The following CRX variants were observed in gnomAD, a reference collection of about 807,000 sequenced individuals.
The protein encoded by CRX is cone-rod homeobox.
In CRX, 5 loss-of-function variants were observed where a neutral mutation model predicts 13.1. That is an observed-to-expected ratio of 0.38 (90% CI 0.20 to 0.80). The LOEUF (loss-of-function observed/expected upper bound fraction) is 0.80. CRX is among the 30% of genes least tolerant of loss of function. The probability of loss-of-function intolerance (pLI) is 0.43; values close to 1 mark genes in which losing one functional copy is unlikely to be tolerated. For missense variants in CRX, 351 were observed against 391.8 expected (o/e 0.90, Z 0.88); for synonymous variants, 179 against 171.1 (o/e 1.05, Z -0.36).
intron 1 of CRX, among the ~76,000 whole-genome samples, chr19:47,827,996 A>G (rs533527902): frequency 1.9e-4 from 28 of 150,878 alleles, no homozygotes; most frequent in Non-Finnish European, 3.5e-4. Context: ...TCTACTAAAA[A>G]TACAAAAATT....
intron 1 of CRX, among the ~76,000 whole-genome samples, chr19:47,831,074 C>T (rs971410064): frequency 4.0e-5 from 6 of 151,688 alleles, no homozygotes; most frequent in Non-Finnish European, 7.4e-5. Context: ...TTTGGGAAGC[C>T]GAGGCAGGCG....
chr19:47,827,644 T>C (rs985326733), intron 1 of CRX, among the ~76,000 whole-genome samples: 4 of 144,422 alleles, frequency 2.8e-5, no homozygotes, highest in African/African-American at 1.0e-4. Context: ...GTTCAAGCGA[T>C]TCTCAAGTAG....
Position 47,824,231 on chromosome 19 carries a change from C to T in CRX, c.-36+2221C>T, listed in dbSNP as rs552528992. Among the ~76,000 whole-genome samples, 34 of 152,328 alleles carry T rather than the reference C, an allele frequency of 2.2e-4. No individual in the cohort carries two copies. In the East Asian group the frequency reaches 6.6e-3, roughly 29 times the overall value. ...TACCCCTGGTTCTTCCACTCATCACCTGTGTGACCTCGGGAATTGACGAAA... is the reference window on the plus strand; with the variant it reads ...TACCCCTGGTTCTTCCACTCATCACTTGTGTGACCTCGGGAATTGACGAAA... On this transcript the variant is annotated intron_variant, in intron 1 of 3. Coordinates refer to ENST00000221996, the MANE Select transcript of CRX (RefSeq NM_000554.6).
intron 1 of CRX, among the ~76,000 whole-genome samples, chr19:47,828,521 A>C (rs1210726550): frequency 6.6e-6 from 1 of 152,104 alleles, no homozygotes; most frequent in East Asian, 1.9e-4. Context: ...GAACTCAGGT[A>C]ACTGATAGAA....
intron 3 of CRX, among the ~76,000 whole-genome samples, chr19:47,838,299 G>A (rs1275338299): frequency 2.0e-5 from 3 of 152,070 alleles, no homozygotes; most frequent in East Asian, 1.9e-4. Flanking sequence ...ATGTATGTAC[G>A]CATACATGCA....
chr19:47,832,192 G>A (rs1968058496), intron 1 of CRX, among the ~76,000 whole-genome samples: 1 of 127,522 alleles, frequency 7.8e-6, no homozygotes, highest in African/African-American at 3.3e-5. Flanking sequence ...TGCAACTTCT[G>A]CCTCCCGGGT....
At chr19:47,833,060 G>GTCTC (rs1968073197) in intron 1 of CRX, among the ~76,000 whole-genome samples, 1 of 67,084 alleles carries the variant, frequency 1.5e-5, no homozygotes, top group Non-Finnish European at 3.5e-5. Flanking sequence ...TGAGATAGGG[G>GTCTC]TCTATTTCTT....
At chr19:47,831,538 T>C (rs1315386981) in intron 1 of CRX, among the ~76,000 whole-genome samples, 1 of 151,926 alleles carries the variant, frequency 6.6e-6, no homozygotes, top group Non-Finnish European at 1.5e-5. Context: ...GTACACTCCT[T>C]ATGAAAATCT....
chr19:47,828,893 AACACACACACACACACAC>A lies in CRX; in HGVS notation c.-35-5484_-35-5467del, dbSNP rs59471457. On this transcript the variant is annotated intron_variant, in intron 1 of 3. Transcript: ENST00000221996. ...TATTGTTGTTTTTGCTTTTGACAAG[AACACACACACACACACAC>A]ACACACACACACACACACACACACA... Among the ~76,000 whole-genome samples, 215 of 134,120 alleles carry A rather than the reference AACACACACACACACACAC, an allele frequency of 1.6e-3. 1 individual carries two copies. Among genetic ancestry groups the A allele is most frequent in the South Asian group, 7.1e-3 (26 of 3,670 alleles). The allele number at this position is 134,120 out of a possible 152,430, so 88.0% of individuals were successfully genotyped here.
chr19:47,837,041 T>C (rs907247107), intron 3 of CRX, among the ~76,000 whole-genome samples: 2 of 152,186 alleles, frequency 1.3e-5, no homozygotes, highest in Non-Finnish European at 2.9e-5. Context: ...GATACATGTA[T>C]ATATGTGTGT....
At chr19:47,838,928 T>C (rs546341711) in intron 3 of CRX, among the ~76,000 whole-genome samples, 6 of 151,940 alleles carry the variant, frequency 3.9e-5, no homozygotes, top group African/African-American at 4.8e-5. Context: ...GCGTATGGTG[T>C]ATATATGTAT....
At chr19:47,831,846 G>A (rs952942955) in intron 1 of CRX, among the ~76,000 whole-genome samples, 6 of 151,998 alleles carry the variant, frequency 3.9e-5, no homozygotes, top group Non-Finnish European at 2.9e-5. Context: ...GGGCTCAAGC[G>A]ATTCTCCTGC....
chr19:47,831,448 C>T (rs1031647267), intron 1 of CRX, among the ~76,000 whole-genome samples: 1 of 152,174 alleles, frequency 6.6e-6, no homozygotes, highest in African/African-American at 2.4e-5. Context: ...AGCCCCGCCT[C>T]CTGTCAGATC....
intron 1 of CRX, among the ~76,000 whole-genome samples, chr19:47,826,720 C>T (rs575281278): frequency 6.6e-6 from 1 of 152,330 alleles, no homozygotes; most frequent in East Asian, 1.9e-4. Context: ...TATTAGTTAA[C>T]TATTGCTGGG....
chr19:47,822,199 G>A (rs1189839053), intron 1 of CRX, among the ~76,000 whole-genome samples, 189 bp downstream of exon 1: 1 of 152,222 alleles, frequency 6.6e-6, no homozygotes. Context: ...ATTGCAGCAG[G>A]AGGGAGTAAG....
Position 47,839,727 on chromosome 19 carries a change from C to T in CRX, c.660C>T (p.Pro220=), listed in dbSNP as rs762380975. 1.2e-6 allele frequency: 2 copies of T among 1,614,078 alleles called. No homozygotes were observed. The highest frequency in any genetic ancestry group is 1.7e-6 in the Non-Finnish European group (2 of 1,179,994). Residue 220 remains proline, a synonymous_variant, in exon 4 of 4, where the codon CCC becomes CCT. Coordinates refer to ENST00000221996, the MANE Select transcript of CRX (RefSeq NM_000554.6). This position sits in a 1 kb window ranked among gnomAD's most constrained non-coding sequence, Gnocchi z 4.6. ...GCTCCTATTTCAGCGGCCTAGACCC[C>T]TACCTTTCTCCCATGGTGCCCCAGC... The part of the protein sequence containing the change: ...SPSSYFSGLD[P]YLSPMVPQLG...
At chr19:47,834,980 C>G (rs11671190) in intron 2 of CRX, among the ~76,000 whole-genome samples, 47,961 of 149,276 alleles carry the variant, frequency 0.32, 8,251 homozygotes, top group Non-Finnish European at 0.4. Context: ...TGCCTAGGCC[C>G]GGGGGGCACT....
chr19:47,825,444 G>C, intron 1 of CRX, among the ~76,000 whole-genome samples: 1 of 152,106 alleles, frequency 6.6e-6, no homozygotes, highest in African/African-American at 2.4e-5. Flanking sequence ...AGGCCCTTCT[G>C]TCATCAGCTG....
At chr19:47,824,709 C>A (rs1054571460) in intron 1 of CRX, among the ~76,000 whole-genome samples, 11 of 152,124 alleles carry the variant, frequency 7.2e-5, no homozygotes, top group Non-Finnish European at 2.9e-5. Context: ...TCAGACCTCA[C>A]CTGTGGGAAC....
Sources: gnomAD v4.1 joint callset for allele counts (sites outside exome capture counted in the v4.1 genomes callset) on GRCh38, gnomAD v4.1.1 for gene constraint, Gnocchi (gnomAD v3.1) non-coding constraint, MANE v1.5 for transcripts, NCBI Gene and HGNC (gene_info 2026-07-23, HGNC 2026-07-21) for gene names.